Variants in BRINP2 observed in about 807,000 individuals in gnomAD.
BRINP2 encodes the protein BMP/retinoic acid-inducible neural-specific protein 2.
Under a neutral mutation model 69.2 loss-of-function variants are expected in BRINP2, and 21 were observed. That is an observed-to-expected ratio of 0.30 (90% CI 0.22 to 0.44). The LOEUF (loss-of-function observed/expected upper bound fraction) is 0.44, where lower values mean the gene tolerates loss of function less well. Ranked by LOEUF, BRINP2 falls within the 20% of genes least tolerant of loss-of-function variation. BRINP2 has a pLI of 1.00. For missense variants in BRINP2, 877 were observed against 986.0 expected (o/e 0.89, Z 1.48); for synonymous variants, 380 against 394.1 (o/e 0.96, Z 0.42).
chr1:177,263,237 A>G (rs888889930), intron 4 of BRINP2, among the ~76,000 whole-genome samples: 3 of 152,152 alleles, frequency 2.0e-5, no homozygotes, highest in Admixed American at 2.0e-4. Flanking sequence ...GATGCCTAAT[A>G]TTGAGATTAT....
intron 1 of BRINP2, among the ~76,000 whole-genome samples, chr1:177,210,404 G>A (rs1649188817): frequency 6.6e-6 from 1 of 151,970 alleles, no homozygotes; most frequent in South Asian, 2.1e-4. Context: ...CTTTCTGCTT[G>A]AGGCAACAAA....
intron 1 of BRINP2, among the ~76,000 whole-genome samples, chr1:177,184,815 G>T (rs1335680860): frequency 6.6e-6 from 1 of 152,110 alleles, no homozygotes; most frequent in Non-Finnish European, 1.5e-5. Context: ...AAGTTAACAA[G>T]AATCTTTCCT....
Position 177,225,365 on chromosome 1 carries a change from T to G in BRINP2, c.-76-4436T>G, listed in dbSNP as rs113789912. On this transcript the variant is annotated intron_variant, in intron 1 of 7. Coordinates refer to ENST00000361539, the MANE Select transcript of BRINP2 (RefSeq NM_021165.4). ...TCTTTAGATGTAAAACCGTCTTAAG[T>G]GTGGTCTAAGTAAGTGAAATGATTT... 3.9e-3 allele frequency among the ~76,000 whole-genome samples: 597 copies of G among 152,330 alleles called. 5 individuals carry two copies. The highest frequency in any genetic ancestry group is 0.013 in the African/African-American group (557 of 41,580).
At position 177,248,435 on chromosome 1, in the gene BRINP2, TTGTG is replaced by T. The variant is rs138306668; in HGVS notation, c.270-7467_270-7464del. 3.8e-3 allele frequency among the ~76,000 whole-genome samples: 556 copies of T among 147,360 alleles called. 6 individuals are homozygous for T. Among genetic ancestry groups the T allele is most frequent in the African/African-American group, 0.012 (470 of 40,134 alleles). ...GATTTCAGCTTCACTGAGGTACAGT[TTGTG>T]TGTGTGTGTGTGTGTGCGTGCGTGT... On this transcript the variant is annotated intron_variant, in intron 2 of 7. Transcript: ENST00000361539.
rs114738254 is a variant in BRINP2, at chr1:177,258,385, C to T, written c.669+1001C>T. ...TCATTCAATAAGTATTTACTGAGCA[C>T]GTATTATTTGTCAGGCACTGTTTGG... On this transcript the variant is annotated intron_variant, in intron 4 of 7. Transcript: ENST00000361539. Among the ~76,000 whole-genome samples, 512 of 152,276 alleles carry T rather than the reference C, an allele frequency of 3.4e-3. 3 individuals are homozygous for T. The highest frequency in any genetic ancestry group is 0.012 in the African/African-American group (488 of 41,550).
At chr1:177,181,775 T>C (rs2102289428) in intron 1 of BRINP2, among the ~76,000 whole-genome samples, 1 of 152,156 alleles carries the variant, frequency 6.6e-6, no homozygotes, top group African/African-American at 2.4e-5. Flanking sequence ...CTTTCTGAAA[T>C]CTCCGACCTT....
chr1:177,244,428 AC>A (rs1650309429), intron 2 of BRINP2, among the ~76,000 whole-genome samples: 2 of 152,212 alleles, frequency 1.3e-5, no homozygotes, highest in Admixed American at 1.3e-4. Context: ...AACTATTGCT[AC>A]AATGATGCAT....
At chr1:177,186,617 G>A (rs186368115) in intron 1 of BRINP2, among the ~76,000 whole-genome samples, 2 of 152,128 alleles carry the variant, frequency 1.3e-5, no homozygotes, top group South Asian at 2.1e-4. Context: ...GGAAGTGAGA[G>A]GGAATTGAGG....
rs187852505 is a variant in BRINP2, at chr1:177,250,613, C to T, written c.270-5306C>T. ...GTGCTGGGATTACAGGCATGAACCACGGCGCCCGGCTGCCACTTGTATGCA... is the reference window on the plus strand; with the variant it reads ...GTGCTGGGATTACAGGCATGAACCATGGCGCCCGGCTGCCACTTGTATGCA... On this transcript the variant is annotated intron_variant, in intron 2 of 7. Coordinates refer to ENST00000361539, the MANE Select transcript of BRINP2 (RefSeq NM_021165.4). Among the ~76,000 whole-genome samples the T allele has an allele frequency of 3.2e-3, 490 of 152,324 alleles. 4 individuals are homozygous for T. Among genetic ancestry groups the T allele is most frequent in the African/African-American group, 0.011 (470 of 41,558 alleles).
At chr1:177,180,391 G>T (rs1173042089) in intron 1 of BRINP2, among the ~76,000 whole-genome samples, 1 of 152,102 alleles carries the variant, frequency 6.6e-6, no homozygotes, top group Admixed American at 6.5e-5. Context: ...GCTATGTGTG[G>T]CTTGTATCAG....
intron 7 of BRINP2, among the ~76,000 whole-genome samples, chr1:177,280,168 T>G (rs1651643934): frequency 6.6e-6 from 1 of 152,200 alleles, no homozygotes; most frequent in Non-Finnish European, 1.5e-5. Flanking sequence ...GAGATGAGCC[T>G]TGTTGCTCTC....
chr1:177,181,815 C>G (rs1262792761), intron 1 of BRINP2, among the ~76,000 whole-genome samples: 4 of 152,306 alleles, frequency 2.6e-5, no homozygotes, highest in Non-Finnish European at 5.9e-5. Context: ...GACCGCGGAG[C>G]AAGGGCAGCC....
Position 177,280,710 on chromosome 1 carries a change from C to G in BRINP2, c.1534C>G (p.Leu512Val), listed in dbSNP as rs773543561. ...FLGLETDLQD[L>V]ELKYLLQKQD... is the part of the protein sequence containing the mutation. ...TGGGCTGGAGACAGACTTGCAGGAC[C>G]TGGAGCTAAAGTACCTGCTGCAGAA... The change falls in exon 8 of 8, where the codon CTG (leucine) becomes GTG (valine). Residue 512 changes from leucine (L) to valine (V), a missense_variant. This residue lies in a region of BRINP2 where 86 missense variants were observed against 142.1 expected (regional missense o/e 0.61). Transcript: ENST00000361539. 1.2e-6 allele frequency: 2 copies of G among 1,614,220 alleles called. No individual in the cohort carries two copies. The highest frequency in any genetic ancestry group is 1.3e-5 in the African/African-American group (1 of 75,068).
intron 1 of BRINP2, among the ~76,000 whole-genome samples, chr1:177,175,408 C>T (rs1053154157): frequency 1.3e-5 from 2 of 152,150 alleles, no homozygotes; most frequent in East Asian, 3.9e-4. Context: ...GAAGGGCCCA[C>T]CAGGAGAGAG....
At chr1:177,237,000 G>A (rs1650048263) in intron 2 of BRINP2, among the ~76,000 whole-genome samples, 1 of 151,776 alleles carries the variant, frequency 6.6e-6, no homozygotes, top group Middle Eastern at 3.2e-3. Flanking sequence ...AAAAATCACT[G>A]CATGTGTAGA....
chr1:177,182,983 C>G (rs1405862482), intron 1 of BRINP2, among the ~76,000 whole-genome samples: 1 of 136,826 alleles, frequency 7.3e-6, no homozygotes, highest in Non-Finnish European at 1.6e-5. Context: ...TCTTTTTTTT[C>G]TTTTTTTGCC....
chr1:177,258,386 G>A (rs538363930), intron 4 of BRINP2, among the ~76,000 whole-genome samples: 2 of 152,290 alleles, frequency 1.3e-5, no homozygotes, highest in South Asian at 2.1e-4. Context: ...TACTGAGCAC[G>A]TATTATTTGT....
chr1:177,211,609 G>A lies in BRINP2; in HGVS notation c.-76-18192G>A, dbSNP rs1222589045. The stretch of plus-strand genomic sequence containing the variant: ...TCCTCGTTCTGTCCAGCCCTGTGTT[G>A]TTCATTATGATTCAAGTTATGGCTT... On this transcript the variant is annotated intron_variant, in intron 1 of 7. Coordinates refer to ENST00000361539, the MANE Select transcript of BRINP2 (RefSeq NM_021165.4). 2.6e-5 allele frequency among the ~76,000 whole-genome samples: 4 copies of A among 152,084 alleles called. No homozygotes were observed. The East Asian group carries it at 7.7e-4, about 29-fold the overall frequency.
intron 1 of BRINP2, among the ~76,000 whole-genome samples, chr1:177,176,004 T>G (rs7534953): frequency 2.6e-5 from 4 of 152,126 alleles, no homozygotes; most frequent in Non-Finnish European, 5.9e-5. Flanking sequence ...CTGGGGACTA[T>G]GGTGAACCAA....
Sources: gnomAD v4.1 joint callset for allele counts (sites outside exome capture counted in the v4.1 genomes callset) on GRCh38, gnomAD v4.1.1 for gene constraint, gnomAD v4.1.1 regional missense constraint, MANE v1.5 for transcripts, NCBI Gene and HGNC (gene_info 2026-07-23, HGNC 2026-07-21) for gene names.